Variants in CCNT2 observed in about 807,000 individuals in gnomAD.
CCNT2 encodes the protein cyclin-T2.
Under a neutral mutation model 70.0 loss-of-function variants are expected in CCNT2, and 18 were observed. The observed-to-expected ratio is 0.26, with a 90% confidence interval of 0.18 to 0.38. The LOEUF is 0.38. Ranked by LOEUF, CCNT2 falls within the 10% of genes least tolerant of loss-of-function variation. The pLI is 1.00. For synonymous variants in CCNT2, 334 were observed against 313.3 expected, an observed-to-expected ratio of 1.07 and a Z score of -0.70; for missense variants, 734 against 890.2, an observed-to-expected ratio of 0.82 and a Z score of 2.23.
At chr2:134,937,516 A>T (rs991643578) in intron 3 of CCNT2, among the ~76,000 whole-genome samples, 1 of 152,162 alleles carries the variant, frequency 6.6e-6, no homozygotes, top group African/African-American at 2.4e-5. Context: ...CTTTCCAGAC[A>T]ACTTTATCAT....
chr2:134,954,380 G>GTAGTTCATC lies in CCNT2; in HGVS notation c.1932_1940dup (p.Ser648_Ser650dup). ...ATGAGCAAAAGTTCCAAAAGTTCAG[G>GTAGTTCATC]TAGTTCATCTAGTTCTTCCTCCTCT... On this transcript the variant is annotated inframe_insertion, in exon 9 of 9. Coordinates refer to ENST00000264157, the MANE Select transcript of CCNT2 (RefSeq NM_058241.3). The GTAGTTCATC allele has an allele frequency of 2.5e-6, 4 of 1,614,140 alleles. No individual in the cohort carries two copies. The highest frequency in any genetic ancestry group is 2.5e-6 in the Non-Finnish European group (3 of 1,179,998).
chr2:134,949,513 T>TA (rs1170951638), intron 7 of CCNT2, among the ~76,000 whole-genome samples: 1 of 152,206 alleles, frequency 6.6e-6, no homozygotes, highest in African/African-American at 2.4e-5. Context: ...ATTTGTGAAA[T>TA]ATGCTTCTTT....
At chr2:134,941,719 A>T (rs1681597266) in intron 4 of CCNT2, among the ~76,000 whole-genome samples, 1 of 152,242 alleles carries the variant, frequency 6.6e-6, no homozygotes, top group Non-Finnish European at 1.5e-5. Context: ...ATCATTATAA[A>T]ATATTTAGTT....
chr2:134,942,709 A>C (rs1241718296), intron 5 of CCNT2, 35 bp downstream of exon 5: 1 of 1,548,858 alleles, frequency 6.5e-7, no homozygotes, highest in East Asian at 2.3e-5. Context: ...GATAAGTATT[A>C]ATGCTTTTTA....
intron 2 of CCNT2, among the ~76,000 whole-genome samples, chr2:134,931,260 A>ATCTTTTTTTTTTTTTTT (rs1680735885): frequency 2.3e-5 from 1 of 42,946 alleles, no homozygotes; most frequent in Non-Finnish European, 4.0e-5. Flanking sequence ...CCATGCCCGG[A>ATCTTTTTTTTTTTTTTT]TCTTTTTTTT....
intron 1 of CCNT2, 110 bp downstream of exon 1, chr2:134,919,122 C>T: frequency 2.4e-6 from 3 of 1,258,372 alleles, no homozygotes; most frequent in South Asian, 3.0e-5. Flanking sequence ...TGGGCCTCGG[C>T]GCCGCGGTCA....
At position 134,944,905 on chromosome 2, in the gene CCNT2, C is replaced by T. The variant is rs559566662; in HGVS notation, c.494-1196C>T. On this transcript the variant is annotated intron_variant, in intron 5 of 8. Coordinates refer to ENST00000264157, the MANE Select transcript of CCNT2 (RefSeq NM_058241.3). ...TTTTTAATTATTATTTTTTCCTTCTCTACGTATTTTTATTCGGAGGGGGAG... is the reference window on the plus strand; with the variant it reads ...TTTTTAATTATTATTTTTTCCTTCTTTACGTATTTTTATTCGGAGGGGGAG... The T allele has an allele frequency of 2.3e-5, 23 of 985,152 alleles. No homozygotes were observed. The African/African-American group carries it at 4.0e-4, about 17-fold the overall frequency. 61.0% of individuals were successfully genotyped at this position (985,152 alleles called of 1,614,324 possible).
intron 5 of CCNT2, 194 bp downstream of exon 5, chr2:134,942,868 C>T: frequency 5.1e-6 from 7 of 1,368,960 alleles, no homozygotes; most frequent in Non-Finnish European, 4.7e-6. Context: ...TGTTAGCTTC[C>T]TTTAAACATA....
intron 2 of CCNT2, among the ~76,000 whole-genome samples, chr2:134,933,860 T>G (rs982332668): frequency 3.3e-5 from 5 of 152,190 alleles, no homozygotes; most frequent in African/African-American, 1.2e-4. Context: ...GTTCATTTAA[T>G]CCTCACACAA....
chr2:134,944,203 A>G (rs1056487630), intron 5 of CCNT2: 3 of 978,738 alleles, frequency 3.1e-6, no homozygotes, highest in African/African-American at 1.8e-5. Flanking sequence ...GCATAGAATT[A>G]TATGCATAAC....
chr2:134,937,522 A>G (rs1459102646), intron 3 of CCNT2, among the ~76,000 whole-genome samples: 3 of 152,154 alleles, frequency 2.0e-5, no homozygotes, highest in Non-Finnish European at 4.4e-5. Context: ...AGACAACTTT[A>G]TCATCAACAT....
At chr2:134,924,733 G>T (rs534871474) in intron 2 of CCNT2, among the ~76,000 whole-genome samples, 1 of 152,238 alleles carries the variant, frequency 6.6e-6, no homozygotes, top group Non-Finnish European at 1.5e-5. Context: ...ACAGGCGTTA[G>T]CCACCTCGCC....
At chr2:134,919,624 T>G (rs1679718532) in intron 1 of CCNT2, among the ~76,000 whole-genome samples, 186 bp from the exon 2 acceptor site, 1 of 152,176 alleles carries the variant, frequency 6.6e-6, no homozygotes, top group Non-Finnish European at 1.5e-5. Context: ...TATTCCCATT[T>G]ATTTGGCGTC....
At chr2:134,944,740 A>G (rs1042628193) in intron 5 of CCNT2, 1 of 985,012 alleles carries the variant, frequency 1.0e-6, no homozygotes, top group Non-Finnish European at 1.2e-6. Context: ...GTACTGTTTC[A>G]TGTTTTAGTG....
intron 7 of CCNT2, among the ~76,000 whole-genome samples, chr2:134,951,379 A>G (rs1682487156): frequency 6.6e-6 from 1 of 152,198 alleles, no homozygotes; most frequent in Non-Finnish European, 1.5e-5. Flanking sequence ...GTGGCTAGTA[A>G]CTATTAATGA....
rs1462314173 is a variant in CCNT2, at chr2:134,956,772, A to G, written c.*2124A>G. On this transcript the variant is annotated 3_prime_UTR_variant, in exon 9 of 9. Transcript: ENST00000264157. Reference sequence around the variant, plus strand: ...ATGTGAATATTTAAGGTCTGTGACTATAGTTAAACTTCACTAAGAATTTGC... The same window carrying G: ...ATGTGAATATTTAAGGTCTGTGACTGTAGTTAAACTTCACTAAGAATTTGC... 3 of 152,592 alleles carry G rather than the reference A, an allele frequency of 2.0e-5. No homozygotes were observed. The highest frequency in any genetic ancestry group is 2.1e-4 in the South Asian group (1 of 4,832). The allele number at this position is 152,592 out of a possible 1,614,324, so 9.5% of individuals were successfully genotyped here.
intron 5 of CCNT2, chr2:134,944,374 A>C (rs957037484): frequency 2.1e-6 from 2 of 966,886 alleles, no homozygotes; most frequent in Admixed American, 1.2e-4. Context: ...ATGTTTAAAA[A>C]TATTACTTGT....
At position 134,954,641 on chromosome 2, in the gene CCNT2, A is replaced by G; in HGVS notation, c.2186A>G (p.Asn729Ser). ...TCACTGTTAAGTGCCCAAGGAATGA[A>G]CATGTAATAATTTGTTTAGGTCAAT... ...LDSLLSAQGMNM is the reference protein window; with the variant it reads ...LDSLLSAQGMSM The change falls in exon 9 of 9, where the codon AAC (asparagine) becomes AGC (serine). Residue 729 changes from asparagine to serine, a missense_variant. Physicochemically the swap from Asn to Ser is conservative, Grantham distance 46. Around this residue, in one of 3 missense-constraint regions of CCNT2, gnomAD observed 532 missense variants for 556.9 expected, o/e 0.96. Coordinates refer to ENST00000264157, the MANE Select transcript of CCNT2 (RefSeq NM_058241.3). 1.3e-6 allele frequency: 2 copies of G among 1,588,780 alleles called. No individual in the cohort carries two copies. Among genetic ancestry groups the G allele is most frequent in the Non-Finnish European group, 1.7e-6 (2 of 1,161,212 alleles).
At position 134,930,297 on chromosome 2, in the gene CCNT2, A is replaced by G. The variant is rs78769065; in HGVS notation, c.241-6544A>G. On this transcript the variant is annotated intron_variant, in intron 2 of 8. Coordinates refer to ENST00000264157, the MANE Select transcript of CCNT2 (RefSeq NM_058241.3). Reference sequence around the variant, plus strand: ...TTTCAAGGTCCGTTCATGGTGTAGAATGTGTTAGTACTTCATTCCTTTTTA... The same window carrying G: ...TTTCAAGGTCCGTTCATGGTGTAGAGTGTGTTAGTACTTCATTCCTTTTTA... 2.5e-3 allele frequency among the ~76,000 whole-genome samples: 384 copies of G among 152,244 alleles called. 1 individual carries two copies. Among genetic ancestry groups the G allele is most frequent in the African/African-American group, 8.8e-3 (364 of 41,534 alleles).
Sources: allele counts gnomAD v4.1 joint callset (sites outside exome capture counted in the v4.1 genomes callset), GRCh38; gene constraint gnomAD v4.1.1; regional missense constraint gnomAD v4.1.1; transcripts MANE v1.5; gene names NCBI Gene and HGNC (gene_info 2026-07-23, HGNC 2026-07-21).